SLC22A24: variants seen among roughly 807,000 people sequenced by gnomAD.
SLC22A24 encodes solute carrier family 22 member 24.
In SLC22A24, 53 loss-of-function variants were observed where a neutral mutation model predicts 49.8. The observed-to-expected ratio is 1.06, with a 90% CI of 0.85 to 1.34. The LOEUF (loss-of-function observed/expected upper bound fraction) is 1.34. SLC22A24 is among the 40% of genes most tolerant of loss of function. The probability of loss-of-function intolerance (pLI) is 0.00; values close to 1 mark genes in which losing one functional copy is unlikely to be tolerated. For synonymous variants in SLC22A24, 302 were observed against 256.4 expected, an observed-to-expected ratio of 1.18 and a Z score of -1.70; for missense variants, 786 against 675.9, an observed-to-expected ratio of 1.16 and a Z score of -1.81.
At chr11:63,133,799 C>G (rs1460791556) in intron 2 of SLC22A24, among the ~76,000 whole-genome samples, 4 of 152,000 alleles carry the variant, frequency 2.6e-5, no homozygotes, top group Non-Finnish European at 5.9e-5. Flanking sequence ...TGCCAGCCAC[C>G]ATGCCAGGCT....
At chr11:63,141,548 G>A (rs1239157950) in intron 1 of SLC22A24, among the ~76,000 whole-genome samples, 1 of 152,194 alleles carries the variant, frequency 6.6e-6, no homozygotes, top group Non-Finnish European at 1.5e-5. Context: ...CTCATACCTT[G>A]TCCAGACAGA....
chr11:63,126,637 T>G lies in SLC22A24; in HGVS notation c.507-7302A>C, dbSNP rs572787148. Among the ~76,000 whole-genome samples, 3 of 152,350 alleles carry G rather than the reference T, an allele frequency of 2.0e-5. No individual in the cohort carries two copies. In the East Asian group the frequency reaches 5.8e-4, roughly 29 times the overall value. Reference sequence around the variant, plus strand: ...TTTTTGCTAAGGATTTTCTTAGCTATGTGGGGTCTTTTTTGGTTCCATATG... The same window carrying G: ...TTTTTGCTAAGGATTTTCTTAGCTAGGTGGGGTCTTTTTTGGTTCCATATG... On this transcript the variant is annotated intron_variant, in intron 2 of 9. Coordinates refer to ENST00000612278, the MANE Select transcript of SLC22A24 (RefSeq NM_001136506.2).
chr11:63,141,193 T>A (rs58572898), intron 1 of SLC22A24, among the ~76,000 whole-genome samples: 5,080 of 152,300 alleles, frequency 0.033, 278 homozygotes, highest in African/African-American at 0.12. Context: ...AATTTTATTT[T>A]AAAAAACAAA....
At chr11:63,080,381 A>G (rs954661358) in intron 9 of SLC22A24, among the ~76,000 whole-genome samples, 2 of 152,170 alleles carry the variant, frequency 1.3e-5, no homozygotes, top group African/African-American at 4.8e-5. Flanking sequence ...ATTTGCCTAA[A>G]TCTCAGAGGC....
At chr11:63,096,159 G>A (rs1376810064) in intron 5 of SLC22A24, 53 bp from the exon 6 acceptor site, 1 of 1,178,666 alleles carries the variant, frequency 8.5e-7, no homozygotes, top group African/African-American at 1.5e-5. Context: ...TAATGTGTCA[G>A]GCATAGTGGT....
intron 2 of SLC22A24, among the ~76,000 whole-genome samples, chr11:63,132,000 T>A (rs898334538): frequency 2.0e-5 from 3 of 152,200 alleles, no homozygotes; most frequent in Admixed American, 6.5e-5. Context: ...TTTTCTCTAA[T>A]CTTGTCTTCT....
chr11:63,131,773 C>T (rs7930903), intron 2 of SLC22A24, among the ~76,000 whole-genome samples: 120,591 of 151,474 alleles, frequency 0.8, 49,052 homozygotes, highest in East Asian at 0.9. Flanking sequence ...TTGCTCTTCT[C>T]AAGGAGTATC....
chr11:63,129,357 C>T (rs1258169395), intron 2 of SLC22A24, among the ~76,000 whole-genome samples: 1 of 152,136 alleles, frequency 6.6e-6, no homozygotes, highest in African/African-American at 2.4e-5. Flanking sequence ...GTACCCGTAC[C>T]ATGCTGTTTT....
rs529692500 is a variant in SLC22A24 at position 63,123,794 on chromosome 11, A to C, written c.507-4459T>G. Among the ~76,000 whole-genome samples, 74 of 152,308 alleles carry C rather than the reference A, an allele frequency of 4.9e-4. 1 individual carries two copies. Among genetic ancestry groups the C allele is most frequent in the Admixed American group, 2.1e-3 (32 of 15,282 alleles). On this transcript the variant is annotated intron_variant, in intron 2 of 9. Coordinates refer to ENST00000612278, the MANE Select transcript of SLC22A24 (RefSeq NM_001136506.2). Reference sequence around the variant, plus strand: ...GTCTCTACCTCTAAAACATTTTACAAATCCAACTCTATCTTACCATCTCCC... The same window carrying C: ...GTCTCTACCTCTAAAACATTTTACACATCCAACTCTATCTTACCATCTCCC...
intron 4 of SLC22A24, among the ~76,000 whole-genome samples, chr11:63,105,813 C>T (rs1340388199): frequency 1.3e-5 from 2 of 152,180 alleles, no homozygotes; most frequent in African/African-American, 4.8e-5. Context: ...CAAGTTTCTG[C>T]AGCAGGCTTG....
chr11:63,131,048 T>C (rs1197026121), intron 2 of SLC22A24, among the ~76,000 whole-genome samples: 1 of 152,220 alleles, frequency 6.6e-6, no homozygotes, highest in Non-Finnish European at 1.5e-5. Flanking sequence ...TTGTCTCTTT[T>C]GATCTTTGTT....
chr11:63,143,718 A>C lies in SLC22A24; in HGVS notation c.62T>G (p.Ile21Arg). The change falls in exon 1 of 10, where the codon ATA becomes AGA. Residue 21 changes from isoleucine (I) to arginine (R), a missense_variant. Transcript: ENST00000612278. ...GATGTTGGTGATGCAAAAGAAAGCT[A>C]TCAGACAAATCTGGAATCTCCCCAT... is the stretch of plus-strand genomic sequence containing the variant. The part of the protein sequence containing the change: ...GGMGRFQICL[I>R]AFFCITNILL... 1 of 1,524,374 alleles carries C rather than the reference A, an allele frequency of 6.6e-7. No homozygotes were observed. The highest frequency in any genetic ancestry group is 8.8e-7 in the Non-Finnish European group (1 of 1,136,964). The allele number at this position is 1,524,374 out of a possible 1,614,324, so 94.4% of individuals were successfully genotyped here. A position where few individuals can be genotyped will look rare whatever the true frequency, so the allele number is the denominator to read the frequency against.
intron 2 of SLC22A24, among the ~76,000 whole-genome samples, chr11:63,123,044 A>ATACT (rs1270158854): frequency 6.6e-6 from 1 of 152,216 alleles, no homozygotes; most frequent in Non-Finnish European, 1.5e-5. Flanking sequence ...GTGGTATAGA[A>ATACT]TACTATGTGC....
At chr11:63,110,646 GT>G (rs2087156400) in intron 4 of SLC22A24, among the ~76,000 whole-genome samples, 1 of 133,950 alleles carries the variant, frequency 7.5e-6, no homozygotes. Context: ...TTGGCTCTCT[GT>G]TTGTCTGTTG....
chr11:63,089,964 C>T (rs1590729328), intron 6 of SLC22A24, among the ~76,000 whole-genome samples: 1 of 150,674 alleles, frequency 6.6e-6, no homozygotes, highest in South Asian at 2.1e-4. Context: ...GCCTGTCGTC[C>T]CAGCTACTCG....
chr11:63,128,295 G>A (rs971773272), intron 2 of SLC22A24, among the ~76,000 whole-genome samples: 5 of 152,090 alleles, frequency 3.3e-5, no homozygotes, highest in African/African-American at 7.2e-5. Context: ...GGGCTCCTTG[G>A]TCTAGCAGTA....
chr11:63,088,074 G>A (rs1417243485), intron 6 of SLC22A24, among the ~76,000 whole-genome samples: 12 of 152,160 alleles, frequency 7.9e-5, no homozygotes, highest in South Asian at 2.1e-4. Flanking sequence ...CACCAGCTCT[G>A]CTAAGGGACA....
At chr11:63,140,416 T>G (rs948042842) in intron 1 of SLC22A24, among the ~76,000 whole-genome samples, 3 of 152,138 alleles carry the variant, frequency 2.0e-5, no homozygotes, top group Non-Finnish European at 4.4e-5. Context: ...TAAAACAAAG[T>G]GTCTTGAAAA....
At chr11:63,142,087 T>C (rs2087419157) in intron 1 of SLC22A24, among the ~76,000 whole-genome samples, 1 of 152,216 alleles carries the variant, frequency 6.6e-6, no homozygotes, top group Non-Finnish European at 1.5e-5. Context: ...ATTTACCTTA[T>C]AGCATGCTCT....
Sources: allele counts gnomAD v4.1 joint callset (sites outside exome capture counted in the v4.1 genomes callset), GRCh38; gene constraint gnomAD v4.1.1; transcripts MANE v1.5; gene names NCBI Gene and HGNC (gene_info 2026-07-23, HGNC 2026-07-21).